The following SEMA6A variants were observed in gnomAD, a reference collection of about 807,000 sequenced individuals.
The protein encoded by SEMA6A is semaphorin-6A.
A neutral mutation model predicts 96.8 loss-of-function variants in SEMA6A; 25 were observed. The ratio of observed to expected loss-of-function variants is 0.26; its 90% CI spans 0.19 to 0.36. SEMA6A has a LOEUF of 0.36. Among genes scored for constraint, SEMA6A ranks in the 10% least tolerant of loss-of-function variants. The probability of loss-of-function intolerance (pLI) is 1.00; values close to 1 mark genes in which losing one functional copy is unlikely to be tolerated. For missense variants in SEMA6A, 1,363 were observed against 1,323.1 expected, an observed-to-expected ratio of 1.03 and a Z score of -0.47; for synonymous variants, 612 against 518.0, an observed-to-expected ratio of 1.18 and a Z score of -2.46.
chr5:116,498,924 T>A (rs1349680959), intron 3 of SEMA6A: 1 of 152,194 alleles, frequency 6.6e-6, no homozygotes, highest in East Asian at 1.9e-4. Context: ...CAGAAAGCTC[T>A]CAGATTGCCC....
intron 1 of SEMA6A, among the ~76,000 whole-genome samples, chr5:116,540,300 G>A (rs1230645401): frequency 6.6e-6 from 1 of 152,182 alleles, no homozygotes; most frequent in Non-Finnish European, 1.5e-5. Flanking sequence ...AAAAATTACG[G>A]TAAATGCAAA....
At chr5:116,474,871 C>A (rs1756370119) in intron 16 of SEMA6A, among the ~76,000 whole-genome samples, 1 of 151,682 alleles carries the variant, frequency 6.6e-6, no homozygotes, top group South Asian at 2.1e-4. Context: ...AAAGCATTTT[C>A]AGGAGAATAT....
At chr5:116,462,097 C>G (rs1284723349) in intron 18 of SEMA6A, among the ~76,000 whole-genome samples, 2 of 152,004 alleles carry the variant, frequency 1.3e-5, no homozygotes, top group Non-Finnish European at 2.9e-5. Flanking sequence ...TTGATAGGAG[C>G]CAAAAAATTA....
At chr5:116,495,733 TTG>T in intron 5 of SEMA6A, 1 of 482,090 alleles carries the variant, frequency 2.1e-6, no homozygotes, top group East Asian at 3.7e-5. Flanking sequence ...GAATGGAAGA[TTG>T]TGTGTTTATT....
intron 17 of SEMA6A, chr5:116,472,455 T>A (rs1182582739): frequency 6.4e-6 from 1 of 157,378 alleles, no homozygotes; most frequent in South Asian, 2.0e-4. Flanking sequence ...GACCTGTGTA[T>A]CCTGTATAGA....
At chr5:116,462,314 AAGG>A (rs1580382952) in intron 18 of SEMA6A, among the ~76,000 whole-genome samples, 1 of 152,322 alleles carries the variant, frequency 6.6e-6, no homozygotes, top group East Asian at 1.9e-4. Context: ...AACGGGAGAA[AAGG>A]AGAAGGGTCA....
At chr5:116,565,636 T>A (rs888957623) in intron 1 of SEMA6A, among the ~76,000 whole-genome samples, 3 of 152,258 alleles carry the variant, frequency 2.0e-5, no homozygotes, top group African/African-American at 7.2e-5. Context: ...TCTTAGAAAC[T>A]CAGATGCTCA....
chr5:116,544,180 C>T (rs909224905), intron 1 of SEMA6A, among the ~76,000 whole-genome samples: 1 of 152,172 alleles, frequency 6.6e-6, no homozygotes, highest in South Asian at 2.1e-4. Context: ...GATCCACTTT[C>T]CTAAGGCTGG....
intron 18 of SEMA6A, among the ~76,000 whole-genome samples, chr5:116,449,023 C>T (rs1006444268): frequency 2.0e-5 from 3 of 152,202 alleles, no homozygotes; most frequent in African/African-American, 7.2e-5. Flanking sequence ...AACCAGGATT[C>T]AGTGTTTCTG....
chr5:116,472,689 C>T (rs747520812), intron 17 of SEMA6A: 29 of 493,488 alleles, frequency 5.9e-5, no homozygotes, highest in Non-Finnish European at 7.7e-5. Flanking sequence ...ATTTAGGACT[C>T]AGTCTCCCAC....
chr5:116,568,466 C>G (rs1761092671), intron 1 of SEMA6A, among the ~76,000 whole-genome samples: 1 of 152,104 alleles, frequency 6.6e-6, no homozygotes, highest in African/African-American at 2.4e-5. Context: ...ATGCTGTATT[C>G]TCCTGATAGA....
intron 1 of SEMA6A, among the ~76,000 whole-genome samples, chr5:116,514,002 T>G (rs931674587): frequency 6.6e-6 from 1 of 152,238 alleles, no homozygotes; most frequent in Middle Eastern, 3.2e-3. Flanking sequence ...CATGTATATG[T>G]ACCACTTTCT....
In SEMA6A at chr5:116,545,752, C is replaced by A. The variant is rs544479694; in HGVS notation, c.-39+28433G>T. 1.8e-4 allele frequency among the ~76,000 whole-genome samples: 28 copies of A among 152,290 alleles called. 1 individual carries two copies. The highest frequency in any genetic ancestry group is 5.2e-4 in the Admixed American group (8 of 15,302). ...TTCTAATACCACCTAGTGGGCTTGGCTGCTATGGAAAAATGGCAGCTCCAA... is the reference window on the plus strand; with the variant it reads ...TTCTAATACCACCTAGTGGGCTTGGATGCTATGGAAAAATGGCAGCTCCAA... On this transcript the variant is annotated intron_variant, in intron 1 of 18. Coordinates refer to ENST00000343348, the MANE Select transcript of SEMA6A (RefSeq NM_020796.5).
Position 116,447,151 on chromosome 5 carries a change from T to A in SEMA6A, c.2555A>T (p.Tyr852Phe). 1.2e-6 allele frequency: 2 copies of A among 1,613,990 alleles called. No homozygotes were observed. Among genetic ancestry groups the A allele is most frequent in the African/African-American group, 2.7e-5 (2 of 75,042 alleles). ...ALEDQAATLEYKTIKEHLSSK... is the reference protein window; with the variant it reads ...ALEDQAATLEFKTIKEHLSSK... ...GCTGAGATGTTCCTTGATGGTCTTA[T>A]ACTCCAGTGTGGCGGCCTGGTCCTC... The change falls in exon 19 of 19, where the codon TAT (tyrosine) becomes TTT (phenylalanine). Residue 852 changes from tyrosine (Y) to phenylalanine (F), a missense_variant. By Grantham distance (22) the Tyr-to-Phe change is conservative. Coordinates refer to ENST00000343348, the MANE Select transcript of SEMA6A (RefSeq NM_020796.5).
Position 116,565,790 on chromosome 5 carries a change from T to C in SEMA6A, c.-39+8395A>G, listed in dbSNP as rs144659582. Among the ~76,000 whole-genome samples the C allele has an allele frequency of 3.5e-3, 538 of 152,330 alleles. 3 individuals are homozygous for C. Among genetic ancestry groups the C allele is most frequent in the African/African-American group, 0.012 (519 of 41,570 alleles). On this transcript the variant is annotated intron_variant, in intron 1 of 18. Coordinates refer to ENST00000343348, the MANE Select transcript of SEMA6A (RefSeq NM_020796.5). ...GAAAGGAGGAGGGACAGTTGTTGAA[T>C]TGTTTTGAGTGTTTTTTTGTGGAAT...
rs369496291 is a variant in SEMA6A, at chr5:116,540,548, C to T, written c.-39+33637G>A. On this transcript the variant is annotated intron_variant, in intron 1 of 18. Coordinates refer to ENST00000343348, the MANE Select transcript of SEMA6A (RefSeq NM_020796.5). Reference sequence around the variant, plus strand: ...GAAGTCTAGAAGACATGAATCCCCCCATCATTCCCACATGTCACTTTCATC... The same window carrying T: ...GAAGTCTAGAAGACATGAATCCCCCTATCATTCCCACATGTCACTTTCATC... Among the ~76,000 whole-genome samples, 49 of 152,310 alleles carry T rather than the reference C, an allele frequency of 3.2e-4. No individual in the cohort carries two copies. In the South Asian group the frequency reaches 9.3e-3, roughly 29 times the overall value.
At chr5:116,479,998 G>C in intron 12 of SEMA6A, 124 bp downstream of exon 12, 14 of 1,145,440 alleles carry the variant, frequency 1.2e-5, no homozygotes, top group Non-Finnish European at 1.6e-5. Context: ...CCATTTCACA[G>C]CTGAATGAAT....
intron 1 of SEMA6A, among the ~76,000 whole-genome samples, chr5:116,572,580 T>C (rs1359150246): frequency 2.0e-5 from 3 of 152,192 alleles, no homozygotes; most frequent in Admixed American, 2.0e-4. Context: ...ATTCTGCACC[T>C]GAAGCTGCCT....
chr5:116,533,118 A>T (rs1223336016), intron 1 of SEMA6A, among the ~76,000 whole-genome samples: 1 of 152,222 alleles, frequency 6.6e-6, no homozygotes, highest in Non-Finnish European at 1.5e-5. Context: ...TTTACTGTTA[A>T]TTCAAACTAT....
Sources: allele counts gnomAD v4.1 joint callset (sites outside exome capture counted in the v4.1 genomes callset), GRCh38; gene constraint gnomAD v4.1.1; transcripts MANE v1.5; gene names NCBI Gene and HGNC (gene_info 2026-07-23, HGNC 2026-07-21).